The following HHLA1 variants were observed in gnomAD, a reference collection of about 807,000 sequenced individuals.
HHLA1 encodes the protein HHLA1 neighbor of OC90, also known as HERV-H LTR-associating protein 1.
HHLA1 carries 72 observed loss-of-function variants against 69.9 expected under a neutral mutation model. The ratio of observed to expected loss-of-function variants is 1.03; its 90% CI spans 0.85 to 1.25. The LOEUF (loss-of-function observed/expected upper bound fraction) is 1.25. Ranked by LOEUF, HHLA1 falls within the 50% of genes most tolerant of loss-of-function variation. HHLA1 has a pLI of 0.00. For synonymous variants in HHLA1, 252 were observed against 233.2 expected, an observed-to-expected ratio of 1.08 and a Z score of -0.73; for missense variants, 685 against 642.2, an observed-to-expected ratio of 1.07 and a Z score of -0.72.
intron 11 of HHLA1, 84 bp downstream of exon 11, chr8:132,079,633 TA>T: frequency 1.4e-6 from 2 of 1,385,034 alleles, no homozygotes; most frequent in Non-Finnish European, 1.9e-6. Context: ...GGGATTAAGG[TA>T]AGGATTTTGC....
chr8:132,094,714 C>A (rs1039673651), intron 7 of HHLA1, among the ~76,000 whole-genome samples: 1 of 152,188 alleles, frequency 6.6e-6, no homozygotes, highest in Non-Finnish European at 1.5e-5. Flanking sequence ...TCAGCCCACA[C>A]ACCATGTACT....
chr8:132,107,474 T>C (rs1259990506), intron 1 of HHLA1, among the ~76,000 whole-genome samples: 1 of 151,976 alleles, frequency 6.6e-6, no homozygotes, highest in Non-Finnish European at 1.5e-5. Flanking sequence ...CTAATTTTTG[T>C]ATTATTAGTA....
intron 10 of HHLA1, among the ~76,000 whole-genome samples, chr8:132,083,789 G>A (rs1484764105): frequency 1.3e-5 from 2 of 152,150 alleles, no homozygotes; most frequent in East Asian, 3.9e-4. Flanking sequence ...AGATGTGGCT[G>A]GGGTTTGTCT....
chr8:132,079,002 T>G (rs979233304), intron 11 of HHLA1, among the ~76,000 whole-genome samples: 1 of 152,236 alleles, frequency 6.6e-6, no homozygotes, highest in African/African-American at 2.4e-5. Context: ...ATGTGCCATG[T>G]TGGTGTGCTG....
At chr8:132,066,981 T>TA (rs1823451573) in intron 15 of HHLA1, among the ~76,000 whole-genome samples, 1 of 152,178 alleles carries the variant, frequency 6.6e-6, no homozygotes, top group Non-Finnish European at 1.5e-5. Context: ...AGAGGGACTT[T>TA]AATACGATGA....
intron 10 of HHLA1, chr8:132,080,979 A>C (rs1823742974): frequency 6.6e-6 from 1 of 152,150 alleles, no homozygotes; most frequent in Non-Finnish European, 1.5e-5. Flanking sequence ...GAATAAGAGA[A>C]GGAGAAAAAC....
intron 10 of HHLA1, among the ~76,000 whole-genome samples, chr8:132,084,544 G>A (rs990899705): frequency 6.6e-6 from 1 of 152,188 alleles, no homozygotes; most frequent in African/African-American, 2.4e-5. Context: ...GAAATTCAAA[G>A]TGCCATTTTC....
intron 4 of HHLA1, 66 bp downstream of exon 4, chr8:132,100,009 C>A: frequency 1.7e-6 from 2 of 1,188,746 alleles, no homozygotes; most frequent in East Asian, 2.5e-5. Flanking sequence ...GAACAGAGGT[C>A]TAGAGAAGTG....
intron 7 of HHLA1, among the ~76,000 whole-genome samples, chr8:132,091,204 G>A (rs1823941309): frequency 6.6e-6 from 1 of 152,226 alleles, no homozygotes; most frequent in Non-Finnish European, 1.5e-5. Context: ...GTACTGGAGA[G>A]TTGTGTAAGA....
Position 132,099,995 on chromosome 8 carries a change from GA to G in HHLA1, c.199+79del, listed in dbSNP as rs1824087234. The G allele has an allele frequency of 3.7e-5, 39 of 1,043,396 alleles. No individual in the cohort carries two copies. In the South Asian group the frequency reaches 5.3e-4, roughly 14 times the overall value. 64.6% of individuals were successfully genotyped at this position (1,043,396 alleles called of 1,614,324 possible). On this transcript the variant is annotated intron_variant, in intron 4 of 16. Coordinates refer to ENST00000414222, the MANE Select transcript of HHLA1 (RefSeq NM_001145095.3). ...AGAGATGACGTTCTCGCCACTGTGGGAAAGAACAGAGGTCTAGAGAAGTGGA... is the reference window on the plus strand; with the variant it reads ...AGAGATGACGTTCTCGCCACTGTGGGAAGAACAGAGGTCTAGAGAAGTGGA...
Position 132,062,009 on chromosome 8 carries a change from G to A in HHLA1, c.*1986C>T, listed in dbSNP as rs537354300. The A allele has an allele frequency of 2.0e-5, 3 of 152,274 alleles. No individual in the cohort carries two copies. The highest frequency in any genetic ancestry group is 4.2e-4 in the South Asian group (2 of 4,818). 9.4% of individuals were successfully genotyped at this position (152,274 alleles called of 1,614,324 possible). A position where few individuals can be genotyped will look rare whatever the true frequency, so the allele number is the denominator to read the frequency against. ...CCACAAGTGAATAGCCCCAGTCTTGGGCCCAAGCCATCCATCCATTCTTCA... is the reference window on the plus strand; with the variant it reads ...CCACAAGTGAATAGCCCCAGTCTTGAGCCCAAGCCATCCATCCATTCTTCA... On this transcript the variant is annotated 3_prime_UTR_variant, in exon 17 of 17. Coordinates refer to ENST00000414222, the MANE Select transcript of HHLA1 (RefSeq NM_001145095.3).
intron 10 of HHLA1, among the ~76,000 whole-genome samples, chr8:132,085,982 C>T (rs1823853892): frequency 6.6e-6 from 1 of 152,024 alleles, no homozygotes; most frequent in Admixed American, 6.5e-5. Flanking sequence ...GATGGCTTGG[C>T]TTGGGCTCAG....
At chr8:132,099,071 A>C (rs945881947) in intron 4 of HHLA1, 109 bp from the exon 5 acceptor site, 24 of 770,860 alleles carry the variant, frequency 3.1e-5, no homozygotes, top group Non-Finnish European at 5.0e-5. Flanking sequence ...ACATGTGCTG[A>C]AAACAAACCA....
chr8:132,075,854 T>C (rs984387216), intron 14 of HHLA1, among the ~76,000 whole-genome samples: 1 of 152,230 alleles, frequency 6.6e-6, no homozygotes, highest in Non-Finnish European at 1.5e-5. Flanking sequence ...AAAATTGCAA[T>C]TATTCTTGCT....
At chr8:132,099,424 T>C (rs1260050609) in intron 4 of HHLA1, among the ~76,000 whole-genome samples, 1 of 152,220 alleles carries the variant, frequency 6.6e-6, no homozygotes, top group African/African-American at 2.4e-5. Context: ...GTACCTGGCC[T>C]TCATCTTCAG....
intron 11 of HHLA1, among the ~76,000 whole-genome samples, chr8:132,078,808 A>C (rs1823690268): frequency 6.6e-6 from 1 of 152,194 alleles, no homozygotes; most frequent in East Asian, 1.9e-4. Context: ...TGAGTAAATA[A>C]ATGAATGAAT....
intron 14 of HHLA1, among the ~76,000 whole-genome samples, chr8:132,074,065 CT>C (rs1823594376): frequency 6.6e-6 from 1 of 152,224 alleles, no homozygotes; most frequent in African/African-American, 2.4e-5. Context: ...TGACAAAGTA[CT>C]GTTAATCTCA....
intron 10 of HHLA1, among the ~76,000 whole-genome samples, chr8:132,085,057 G>C (rs1406091495): frequency 6.6e-6 from 1 of 152,012 alleles, no homozygotes; most frequent in African/African-American, 2.4e-5. Context: ...AGGAGAGAAG[G>C]GGTTGGAGTA....
At chr8:132,079,083 A>T (rs1009474058) in intron 11 of HHLA1, among the ~76,000 whole-genome samples, 3 of 152,184 alleles carry the variant, frequency 2.0e-5, no homozygotes, top group Admixed American at 6.5e-5. Flanking sequence ...CCTCCATTTT[A>T]TATTATTTCC....
Sources: allele counts gnomAD v4.1 joint callset (sites outside exome capture counted in the v4.1 genomes callset), GRCh38; gene constraint gnomAD v4.1.1; transcripts MANE v1.5; gene names NCBI Gene and HGNC (gene_info 2026-07-23, HGNC 2026-07-21).